The following ERCC6 variants were observed in gnomAD, a reference collection of about 807,000 sequenced individuals.
The protein encoded by ERCC6 is ERCC excision repair 6, chromatin remodeling factor.
In ERCC6, 116 loss-of-function variants were observed where a neutral mutation model predicts 158.7. That is an observed-to-expected ratio of 0.73 (90% CI 0.63 to 0.85). The LOEUF (loss-of-function observed/expected upper bound fraction) is 0.85, where lower values mean the gene tolerates loss of function less well. Ranked by LOEUF, ERCC6 falls within the 40% of genes least tolerant of loss-of-function variation. The pLI, the probability that ERCC6 is intolerant of heterozygous loss-of-function variation, is 0.00. For missense variants in ERCC6, 1,698 were observed against 1,799.4 expected (o/e 0.94, Z 1.02); for synonymous variants, 678 against 659.3 (o/e 1.03, Z -0.43).
rs201939424 is a variant in ERCC6, at chr10:49,474,149, C to G, written c.2476G>C (p.Glu826Gln). Reference protein sequence around the residue: ...PKNLKGLPDDELEEDQFGYWK... With the variant: ...PKNLKGLPDDQLEEDQFGYWK... ...TACCCAAACTGATCTTCTTCTAGTT[C>G]ATCATCAGGAAGACCTTTGAGATTC... The change falls in exon 13 of 21, where the codon GAA becomes CAA. Residue 826 changes from glutamate (E) to glutamine (Q), a missense_variant. Transcript: ENST00000355832. 6.8e-6 allele frequency: 11 copies of G among 1,614,116 alleles called. No homozygotes were observed. In the East Asian group the frequency reaches 2.2e-4, roughly 33 times the overall value.
chr10:49,522,109 C>T (rs181891287), intron 5 of ERCC6, among the ~76,000 whole-genome samples: 1 of 152,190 alleles, frequency 6.6e-6, no homozygotes, highest in Admixed American at 6.5e-5. Flanking sequence ...TAAAAAAAAA[C>T]TAATTTTCTA....
chr10:49,512,530 A>T (rs954520430), intron 5 of ERCC6, among the ~76,000 whole-genome samples: 2 of 152,216 alleles, frequency 1.3e-5, no homozygotes, highest in South Asian at 2.1e-4. Context: ...AGCTTATTTT[A>T]AAAAAGTATG....
At chr10:49,446,259 C>CACACACA in the ERCC6 span, among the ~76,000 whole-genome samples, 63 of 114,298 alleles carry the variant, frequency 5.5e-4, no homozygotes, top group African/African-American at 1.9e-3. Flanking sequence ...ACACACACAC[C>CACACACA]CCCCAATTTA....
chr10:49,516,321 G>C, intron 5 of ERCC6: 1 of 1,614,094 alleles, frequency 6.2e-7, no homozygotes, highest in Non-Finnish European at 8.5e-7. Flanking sequence ...GCTGAAATAT[G>C]TTTCATTTGG....
intron 11 of ERCC6, among the ~76,000 whole-genome samples, chr10:49,477,473 C>T (rs1590412346): frequency 6.6e-6 from 1 of 152,288 alleles, no homozygotes. Context: ...CCAGTCACTC[C>T]TGAAGCCCGC....
chr10:49,519,775 T>G (rs1224169261), intron 5 of ERCC6, among the ~76,000 whole-genome samples: 2 of 152,198 alleles, frequency 1.3e-5, no homozygotes, highest in Non-Finnish European at 2.9e-5. Context: ...CTCTCCTAAA[T>G]GAGAACATAG....
chr10:49,490,985 A>C (rs989101432), intron 8 of ERCC6, among the ~76,000 whole-genome samples: 3 of 152,340 alleles, frequency 2.0e-5, no homozygotes, highest in African/African-American at 7.2e-5. Flanking sequence ...TAAGAAACAT[A>C]GACTCTATTG....
At chr10:49,460,217 G>A (rs1850552472) in intron 20 of ERCC6, 156 bp downstream of exon 20, 1 of 681,092 alleles carries the variant, frequency 1.5e-6, no homozygotes, top group Admixed American at 2.1e-5. Context: ...TTAGATTCAA[G>A]TGAATGTGCA....
intron 8 of ERCC6, 43 bp downstream of exon 8, chr10:49,493,074 G>A (rs1175608167): frequency 1.9e-6 from 3 of 1,601,972 alleles, no homozygotes; most frequent in Admixed American, 1.7e-5. Flanking sequence ...GTAAAATGGA[G>A]GGCATTAAAA....
chr10:49,492,418 A>C (rs1224382683), intron 8 of ERCC6, among the ~76,000 whole-genome samples: 1 of 152,198 alleles, frequency 6.6e-6, no homozygotes. Context: ...TATTCAGCAA[A>C]TGCTTATGGG....
At chr10:49,446,774 A>C in the ERCC6 span, among the ~76,000 whole-genome samples, 3 of 152,220 alleles carry the variant, frequency 2.0e-5, no homozygotes, top group Non-Finnish European at 4.4e-5. Flanking sequence ...TGATCGTGCC[A>C]CTGCACTTCA....
intron 1 of ERCC6, among the ~76,000 whole-genome samples, chr10:49,534,164 A>AC (rs1428957313): frequency 2.9e-4 from 43 of 150,842 alleles, no homozygotes; most frequent in African/African-American, 1.1e-3. Context: ...ACAAAAAAAA[A>AC]ACTCCATTTT....
chr10:49,475,483 G>A, intron 12 of ERCC6: 1 of 427,510 alleles, frequency 2.3e-6, no homozygotes, highest in South Asian at 1.7e-5. Context: ...AGATGTGAAT[G>A]ACTGAAGAAC....
At position 49,470,782 on chromosome 10, in the gene ERCC6, T is replaced by G. The variant is rs772254660; in HGVS notation, c.3178A>C (p.Asn1060His). 3.7e-6 allele frequency: 6 copies of G among 1,614,190 alleles called. No homozygotes were observed. In the East Asian group the frequency reaches 1.3e-4, roughly 36 times the overall value. ...GATGTGGCATCATTTACAGATATGT[T>G]AGAAGCAGGGAACTTCTTGCGTTTT... The part of the protein sequence containing the change: ...VPKRKKFPAS[N>H]ISVNDATSSE... The change falls in exon 18 of 21, where the codon AAC becomes CAC. Residue 1060 changes from asparagine to histidine, a missense_variant. Transcript: ENST00000355832.
Position 49,461,200 on chromosome 10 carries a change from TC to T in ERCC6, c.3983+151del, listed in dbSNP as rs1850575707. 1.1e-5 allele frequency: 9 copies of T among 821,802 alleles called. No individual in the cohort carries two copies. The South Asian group carries it at 1.3e-4, about 12-fold the overall frequency. The allele number at this position is 821,802 out of a possible 1,614,324, so 50.9% of individuals were successfully genotyped here. The stretch of plus-strand genomic sequence containing the variant: ...GAAGGCAAAGTTATAACAGTATTTC[TC>T]CAAGTCACCCAGATTTTGCTGCTAT... On this transcript the variant is annotated intron_variant, in intron 19 of 20. Coordinates refer to ENST00000355832, the MANE Select transcript of ERCC6 (RefSeq NM_000124.4).
At chr10:49,480,426 C>A (rs895191689) in intron 10 of ERCC6, among the ~76,000 whole-genome samples, 1 of 152,206 alleles carries the variant, frequency 6.6e-6, no homozygotes, top group Non-Finnish European at 1.5e-5. Flanking sequence ...TACCGGCACA[C>A]AGACTATCTT....
At chr10:49,443,214 C>T in the ERCC6 span, among the ~76,000 whole-genome samples, 1 of 152,054 alleles carries the variant, frequency 6.6e-6, no homozygotes, top group South Asian at 2.1e-4. Flanking sequence ...AAAATATGTT[C>T]TACAATTACT....
At chr10:49,463,068 A>T (rs1319754005) in intron 18 of ERCC6, among the ~76,000 whole-genome samples, 2 of 152,206 alleles carry the variant, frequency 1.3e-5, no homozygotes, top group Non-Finnish European at 2.9e-5. Flanking sequence ...AATATCTCTT[A>T]CCCAAAATTC....
chr10:49,510,190 T>C (rs1040622682), intron 5 of ERCC6, among the ~76,000 whole-genome samples: 3 of 152,138 alleles, frequency 2.0e-5, no homozygotes, highest in South Asian at 2.1e-4. Flanking sequence ...CCAGGAACAA[T>C]GCTTCCCCCA....
Sources: gnomAD v4.1 joint callset for allele counts (sites outside exome capture counted in the v4.1 genomes callset) on GRCh38, gnomAD v4.1.1 for gene constraint, MANE v1.5 for transcripts, NCBI Gene and HGNC (gene_info 2026-07-23, HGNC 2026-07-21) for gene names.